Variants in MRTO4 observed in about 807,000 individuals in gnomAD.
The protein encoded by MRTO4 is MRT4 homolog, ribosome maturation factor, also known as mRNA turnover protein 4 homolog.
In MRTO4, 7 loss-of-function variants were observed where a neutral mutation model predicts 28.6. The observed-to-expected ratio is 0.24, with a 90% confidence interval of 0.14 to 0.46. The LOEUF (loss-of-function observed/expected upper bound fraction) is 0.46. MRTO4 is among the 20% of genes least tolerant of loss of function. The pLI is 0.99. For synonymous variants in MRTO4, 113 were observed against 108.2 expected (o/e 1.04, Z -0.27); for missense variants, 302 against 298.3 (o/e 1.01, Z -0.09).
chr1:19,254,938 T>A, intron 2 of MRTO4, 98 bp downstream of exon 2: 1 of 1,058,952 alleles, frequency 9.4e-7, no homozygotes. Flanking sequence ...CAGGGGAACA[T>A]ACTAGTGGGG....
chr1:19,254,673 A>C lies in MRTO4; in HGVS notation c.29-109A>C, dbSNP rs2151972563. ...CACAAAGGCCTTGCTGCCTTTTTTC[A>C]GAATGGCTGCATCCAGCTGAGTGCT... On this transcript the variant is annotated intron_variant, in intron 1 of 7. Transcript: ENST00000330263. 3 of 930,468 alleles carry C rather than the reference A, an allele frequency of 3.2e-6. No individual in the cohort carries two copies. In the South Asian group the frequency reaches 4.1e-5, roughly 13 times the overall value. 57.6% of individuals were successfully genotyped at this position (930,468 alleles called of 1,614,324 possible).
intron 1 of MRTO4, among the ~76,000 whole-genome samples, chr1:19,253,610 A>C (rs920250456): frequency 1.3e-5 from 2 of 152,236 alleles, no homozygotes; most frequent in African/African-American, 4.8e-5. Context: ...AGACAGGGTG[A>C]TGCTGGCTTG....
rs1244400261 is a variant in MRTO4 at position 19,257,457 on chromosome 1, A to G, written c.277A>G (p.Ser93Gly). The G allele has an allele frequency of 1.9e-6, 3 of 1,614,252 alleles. No homozygotes were observed. Among genetic ancestry groups the G allele is most frequent in the Non-Finnish European group, 2.5e-6 (3 of 1,180,032 alleles). Residue 93 changes from serine to glycine, a missense_variant, in exon 5 of 8, where the codon AGC (serine) becomes GGC (glycine). By Grantham distance (56) the Ser-to-Gly change is moderately conservative (BLOSUM62 0). Coordinates refer to ENST00000330263, the MANE Select transcript of MRTO4 (RefSeq NM_016183.4). The part of the protein sequence containing the change: ...DEYKDNLHQV[S>G]KRLRGEVGLL... ...TGTCCTCACTCCTGATTTGTAGGTC[A>G]GCAAAAGGTTGAGGGGTGAGGTGGG...
intron 1 of MRTO4, 85 bp downstream of exon 1, chr1:19,251,948 G>A (rs898081441): frequency 1.3e-6 from 2 of 1,515,244 alleles, no homozygotes; most frequent in Non-Finnish European, 1.8e-6. Context: ...GGCGGCGGGG[G>A]CGCAGATTGG....
chr1:19,251,941 G>A (rs1454770477), intron 1 of MRTO4, 78 bp downstream of exon 1: 1 of 1,527,858 alleles, frequency 6.5e-7, no homozygotes, highest in East Asian at 2.4e-5. Context: ...GCTTCGGGGC[G>A]GCGGGGGCGC....
Position 19,259,600 on chromosome 1 carries a change from C to G in MRTO4, c.*770C>G, listed in dbSNP as rs2093677320. ...GATTGCCTCAGTTTGCCTTGTCAGC[C>G]AACTTCCACTGGCTGCCTTGGCACT... On this transcript the variant is annotated 3_prime_UTR_variant, in exon 8 of 8. Transcript: ENST00000330263. The G allele has an allele frequency of 6.6e-6, 1 of 152,298 alleles. No homozygotes were observed. The highest frequency in any genetic ancestry group is 1.5e-5 in the Non-Finnish European group (1 of 68,104). The allele number at this position is 152,298 out of a possible 1,614,324, so 9.4% of individuals were successfully genotyped here.
rs948104716 is a variant in MRTO4, at chr1:19,257,310, G to A, written c.274-144G>A. The A allele has an allele frequency of 5.1e-6, 6 of 1,166,154 alleles. No homozygotes were observed. The Admixed American group carries it at 8.6e-5, about 17-fold the overall frequency. 72.2% of individuals were successfully genotyped at this position (1,166,154 alleles called of 1,614,324 possible). On this transcript the variant is annotated intron_variant, in intron 4 of 7. Coordinates refer to ENST00000330263, the MANE Select transcript of MRTO4 (RefSeq NM_016183.4). ...CCTTCACCTCCGGACCCAAGGAATA[G>A]CAGCTTCCTGCCTCCCACTCCTTCC...
rs1063984 is a variant in MRTO4 at position 19,259,800 on chromosome 1, A to G, written c.*970A>G. The G allele has an allele frequency of 0.29, 43,915 of 152,240 alleles. 7,253 individuals carry two copies. Among genetic ancestry groups the G allele is most frequent in the African/African-American group, 0.46 (19,204 of 41,502 alleles). The allele number at this position is 152,240 out of a possible 1,614,324, so 9.4% of individuals were successfully genotyped here. ...AAGACAGCCTTGGGCTGAGAGTGAC[A>G]TCACTGCAAGAGTTGAGAGCCAGCG... On this transcript the variant is annotated 3_prime_UTR_variant, in exon 8 of 8. Coordinates refer to ENST00000330263, the MANE Select transcript of MRTO4 (RefSeq NM_016183.4).
chr1:19,252,477 C>T (rs972805265), intron 1 of MRTO4, among the ~76,000 whole-genome samples: 1 of 152,318 alleles, frequency 6.6e-6, no homozygotes, highest in Admixed American at 6.5e-5. Context: ...GCGGGCGAAT[C>T]ATCTGAGGTC....
At chr1:19,254,665 C>G in intron 1 of MRTO4, 117 bp from the exon 2 acceptor site, 1 of 893,878 alleles carries the variant, frequency 1.1e-6, no homozygotes, top group South Asian at 1.4e-5. Flanking sequence ...GCCTTGCTGC[C>G]TTTTTTCAGA....
At chr1:19,254,948 GAAAA>G in intron 2 of MRTO4, 108 bp downstream of exon 2, 1 of 641,084 alleles carries the variant, frequency 1.6e-6, no homozygotes, top group East Asian at 4.2e-5. Context: ...TACTAGTGGG[GAAAA>G]AAAAAAAATC....
At chr1:19,252,792 A>G (rs1309608395) in intron 1 of MRTO4, among the ~76,000 whole-genome samples, 1 of 151,916 alleles carries the variant, frequency 6.6e-6, no homozygotes, top group Non-Finnish European at 1.5e-5. Flanking sequence ...CTGAGACTAC[A>G]GGCGCACGCC....
chr1:19,258,945 G>A lies in MRTO4; in HGVS notation c.*115G>A, dbSNP rs142072203. ...TTATTTGTCTGTAGACAGGGAACAT[G>A]ATGGGCACTGACCTCCTGTAAAGAA... On this transcript the variant is annotated 3_prime_UTR_variant, in exon 8 of 8. Coordinates refer to ENST00000330263, the MANE Select transcript of MRTO4 (RefSeq NM_016183.4). 615 of 1,236,770 alleles carry A rather than the reference G, an allele frequency of 5.0e-4. 6 individuals carry two copies. In the African/African-American group the frequency reaches 8.2e-3, roughly 17 times the overall value. 76.6% of individuals were successfully genotyped at this position (1,236,770 alleles called of 1,614,324 possible).
chr1:19,252,031 C>T (rs1030749144), intron 1 of MRTO4, 168 bp downstream of exon 1: 4 of 995,736 alleles, frequency 4.0e-6, no homozygotes, highest in Non-Finnish European at 5.8e-6. Context: ...GCTGTAAAAC[C>T]GCCAGAGGTG....
chr1:19,257,160 C>T lies in MRTO4; in HGVS notation c.273+15C>T. 3.1e-6 allele frequency: 5 copies of T among 1,613,232 alleles called. No individual in the cohort carries two copies. The highest frequency in any genetic ancestry group is 4.2e-6 in the Non-Finnish European group (5 of 1,179,440). Reference sequence around the variant, plus strand: ...ACCTGCACCAGGTAAGTCTCTGGCCCTCACGGGGTGGAGCTAAGGCAAAGC... The same window carrying T: ...ACCTGCACCAGGTAAGTCTCTGGCCTTCACGGGGTGGAGCTAAGGCAAAGC... On this transcript the variant is annotated intron_variant, in intron 4 of 7. Transcript: ENST00000330263.
chr1:19,258,234 G>A (rs2151973713), intron 6 of MRTO4, among the ~76,000 whole-genome samples: 1 of 152,174 alleles, frequency 6.6e-6, no homozygotes, highest in South Asian at 2.1e-4. Context: ...AAATTAGACA[G>A]CCATGGTGGT....
At chr1:19,253,577 G>A (rs746380260) in intron 1 of MRTO4, among the ~76,000 whole-genome samples, 17 of 152,350 alleles carry the variant, frequency 1.1e-4, no homozygotes, top group South Asian at 4.1e-4. Context: ...AGGAATGGAA[G>A]CAGTGAGACC....
At chr1:19,251,979 G>A (rs891044271) in intron 1 of MRTO4, 116 bp downstream of exon 1, 1 of 1,396,808 alleles carries the variant, frequency 7.2e-7, no homozygotes, top group Non-Finnish European at 9.7e-7. Context: ...CATCCTCGAG[G>A]TGTTCCGCTG....
At chr1:19,256,951 C>G (rs1383514038) in intron 3 of MRTO4, 113 bp from the exon 4 acceptor site, 2 of 999,904 alleles carry the variant, frequency 2.0e-6, no homozygotes, top group Non-Finnish European at 1.5e-6. Flanking sequence ...GTGGGTGCCA[C>G]TGGCTCAGCC....
Sources: gnomAD v4.1 joint callset for allele counts (sites outside exome capture counted in the v4.1 genomes callset) on GRCh38, gnomAD v4.1.1 for gene constraint, MANE v1.5 for transcripts, NCBI Gene and HGNC (gene_info 2026-07-23, HGNC 2026-07-21) for gene names.